The following PARD3B variants were observed in gnomAD, a reference collection of about 807,000 sequenced individuals.
PARD3B encodes the protein partitioning defective 3 homolog B.
In PARD3B, 103 loss-of-function variants were observed where a neutral mutation model predicts 130.2. The observed-to-expected ratio is 0.79, with a 90% CI of 0.67 to 0.93. PARD3B has a LOEUF of 0.93. Ranked by LOEUF, PARD3B falls within the 40% of genes least tolerant of loss-of-function variation. PARD3B has a pLI of 0.00. For missense variants in PARD3B, 1,609 were observed against 1,499.2 expected (o/e 1.07, Z -1.21); for synonymous variants, 583 against 553.2 (o/e 1.05, Z -0.76).
At chr2:204,696,124 T>C (rs1294929401) in intron 2 of PARD3B, among the ~76,000 whole-genome samples, 3 of 151,614 alleles carry the variant, frequency 2.0e-5, no homozygotes, top group African/African-American at 7.3e-5. Flanking sequence ...AAATGGGAGG[T>C]GGGTGCTTTG....
intron 4 of PARD3B, among the ~76,000 whole-genome samples, chr2:205,062,520 C>T (rs1194477938): frequency 6.6e-6 from 1 of 152,168 alleles, no homozygotes; most frequent in African/African-American, 2.4e-5. Flanking sequence ...ATTTGTGTGT[C>T]TCTTTCCTTC....
intron 1 of PARD3B, among the ~76,000 whole-genome samples, chr2:204,562,587 T>A (rs2031389570): frequency 6.6e-6 from 1 of 152,198 alleles, no homozygotes; most frequent in Non-Finnish European, 1.5e-5. Flanking sequence ...TTACTTGTCA[T>A]CTTGTTTTTC....
intron 1 of PARD3B, among the ~76,000 whole-genome samples, chr2:204,592,518 C>CTTATTGTCA (rs2033120819): frequency 6.6e-6 from 1 of 152,098 alleles, no homozygotes; most frequent in Non-Finnish European, 1.5e-5. Context: ...CTTTGTAAAA[C>CTTATTGTCA]TTATTGTCAT....
At chr2:205,490,390 T>G (rs1359673454) in intron 20 of PARD3B, among the ~76,000 whole-genome samples, 1 of 152,106 alleles carries the variant, frequency 6.6e-6, no homozygotes. Context: ...GGCAATAGTT[T>G]GCTGAGAATT....
chr2:204,919,725 C>A (rs1203977045), intron 2 of PARD3B, among the ~76,000 whole-genome samples: 3 of 152,114 alleles, frequency 2.0e-5, no homozygotes, highest in Non-Finnish European at 2.9e-5. Context: ...TATGACTCTT[C>A]TTTCATCTAA....
At chr2:204,905,347 A>G (rs2047006534) in intron 2 of PARD3B, among the ~76,000 whole-genome samples, 1 of 152,104 alleles carries the variant, frequency 6.6e-6, no homozygotes, top group Non-Finnish European at 1.5e-5. Flanking sequence ...GGAGAGGAGA[A>G]CCAGAGAGCA....
rs1559397263 is a variant in PARD3B, at chr2:205,057,552, T to TAC, written c.504+9862_504+9863insAC. Among the ~76,000 whole-genome samples, 177 of 146,204 alleles carry TAC rather than the reference T, an allele frequency of 1.2e-3. 5 individuals carry two copies. Among genetic ancestry groups the TAC allele is most frequent in the African/African-American group, 4.1e-3 (165 of 39,832 alleles). ...ATATACATATATGTATATGTGTATATGTATATATACATATATGTATATGTG... is the reference window on the plus strand; with the variant it reads ...ATATACATATATGTATATGTGTATATACGTATATATACATATATGTATATGTG... On this transcript the variant is annotated intron_variant, in intron 4 of 22. Transcript: ENST00000406610.
At chr2:205,494,383 G>T (rs1261815461) in intron 20 of PARD3B, among the ~76,000 whole-genome samples, 5 of 152,160 alleles carry the variant, frequency 3.3e-5, no homozygotes, top group Non-Finnish European at 5.9e-5. Flanking sequence ...TTCCCCAGCA[G>T]TTCTGTCTGC....
At chr2:205,247,856 G>A (rs1014129693) in intron 16 of PARD3B, among the ~76,000 whole-genome samples, 5 of 152,178 alleles carry the variant, frequency 3.3e-5, no homozygotes, top group East Asian at 1.9e-4. Flanking sequence ...AGCAGCATTA[G>A]AGGAACATAC....
At chr2:204,746,554 C>T (rs1420864171) in intron 2 of PARD3B, among the ~76,000 whole-genome samples, 1 of 152,098 alleles carries the variant, frequency 6.6e-6, no homozygotes, top group Non-Finnish European at 1.5e-5. Context: ...GAAGAATTGC[C>T]ACACTGTCTT....
At chr2:204,999,222 A>G (rs1390758893) in intron 3 of PARD3B, among the ~76,000 whole-genome samples, 4 of 151,964 alleles carry the variant, frequency 2.6e-5, no homozygotes, top group Admixed American at 2.0e-4. Context: ...CAATGGTCCT[A>G]TAATTCATTA....
chr2:204,746,901 C>G (rs2040255178), intron 2 of PARD3B, among the ~76,000 whole-genome samples: 3 of 152,198 alleles, frequency 2.0e-5, no homozygotes, highest in Non-Finnish European at 4.4e-5. Context: ...GAGTAGATTG[C>G]AAAAGTTTTC....
chr2:204,931,013 C>T (rs548889011), intron 2 of PARD3B, among the ~76,000 whole-genome samples: 5 of 152,204 alleles, frequency 3.3e-5, no homozygotes, highest in South Asian at 4.1e-4. Context: ...AAGACAAGTT[C>T]TCTAGGCTGA....
intron 5 of PARD3B, among the ~76,000 whole-genome samples, chr2:205,110,189 C>A (rs984910046): frequency 1.3e-5 from 2 of 152,190 alleles, no homozygotes; most frequent in Non-Finnish European, 2.9e-5. Context: ...GTTCAGTAAT[C>A]TTAGTGTTAA....
chr2:205,239,925 A>G (rs2039275746), intron 15 of PARD3B, among the ~76,000 whole-genome samples: 1 of 152,032 alleles, frequency 6.6e-6, no homozygotes, highest in African/African-American at 2.4e-5. Context: ...TTTCAGCAAA[A>G]GCCTTGTTTT....
chr2:205,279,674 A>G (rs191576493), intron 16 of PARD3B, among the ~76,000 whole-genome samples: 217 of 152,262 alleles, frequency 1.4e-3, no homozygotes, highest in African/African-American at 5.0e-3. Flanking sequence ...GAGTCACGTC[A>G]TGGCATGCAG....
At chr2:204,574,588 G>A (rs2032160973) in intron 1 of PARD3B, among the ~76,000 whole-genome samples, 1 of 152,178 alleles carries the variant, frequency 6.6e-6, no homozygotes, top group African/African-American at 2.4e-5. Flanking sequence ...CTAGATTGAA[G>A]TACAAGCTCT....
chr2:205,437,823 C>T (rs2047569767), intron 19 of PARD3B, among the ~76,000 whole-genome samples: 2 of 151,852 alleles, frequency 1.3e-5, no homozygotes, highest in African/African-American at 4.8e-5. Flanking sequence ...CTGGTAGTAC[C>T]GTCAAATAAA....
intron 18 of PARD3B, among the ~76,000 whole-genome samples, chr2:205,319,270 G>A (rs188098018): frequency 3.2e-4 from 48 of 152,168 alleles, no homozygotes; most frequent in African/African-American, 1.1e-3. Context: ...TCTGGAATCC[G>A]CTCCCGTAGC....
Sources: gnomAD v4.1 joint callset for allele counts (sites outside exome capture counted in the v4.1 genomes callset) on GRCh38, gnomAD v4.1.1 for gene constraint, MANE v1.5 for transcripts, NCBI Gene and HGNC (gene_info 2026-07-23, HGNC 2026-07-21) for gene names.